HOMER2: variants seen among roughly 807,000 people sequenced by gnomAD.
HOMER2 encodes the protein homer scaffold protein 2, also known as homer protein homolog 2.
In HOMER2, 27 loss-of-function variants were observed where a neutral mutation model predicts 47.0. The ratio of observed to expected loss-of-function variants is 0.57; its 90% CI spans 0.42 to 0.79. The LOEUF is 0.79. Among genes scored for constraint, HOMER2 ranks in the 30% least tolerant of loss-of-function variants. The pLI is 0.00. For synonymous variants in HOMER2, 161 were observed against 163.8 expected (o/e 0.98, Z 0.13); for missense variants, 443 against 435.0 (o/e 1.02, Z -0.16).
chr15:82,978,085 G>A (rs1029319748), intron 1 of HOMER2, among the ~76,000 whole-genome samples: 6 of 152,228 alleles, frequency 3.9e-5, no homozygotes, highest in Admixed American at 1.3e-4. Flanking sequence ...GGGAGGCAGA[G>A]GTTATGGCGA....
chr15:82,879,731 C>T (rs1291990865), intron 2 of HOMER2, among the ~76,000 whole-genome samples: 1 of 152,116 alleles, frequency 6.6e-6, no homozygotes, highest in Non-Finnish European at 1.5e-5. Context: ...GTCATTGTGT[C>T]AATTTCTTAA....
intron 1 of HOMER2, among the ~76,000 whole-genome samples, chr15:82,922,592 T>G (rs2053756909): frequency 6.6e-6 from 1 of 152,164 alleles, no homozygotes; most frequent in African/African-American, 2.4e-5. Context: ...AAGTTAGCCC[T>G]TGTGAACCTC....
intron 1 of HOMER2, among the ~76,000 whole-genome samples, chr15:82,983,576 C>T (rs140422041): frequency 2.2e-4 from 33 of 152,034 alleles, no homozygotes; most frequent in African/African-American, 7.5e-4. Flanking sequence ...GGAGCCTTTC[C>T]TGATTTCTTT....
chr15:82,952,791 C>T, upstream of HOMER2: 2 of 827,452 alleles, frequency 2.4e-6, no homozygotes, highest in Non-Finnish European at 2.9e-6. Flanking sequence ...TACCCCCGCC[C>T]GGCTCCTTAC....
At chr15:82,907,866 G>C (rs1270909061) in intron 1 of HOMER2, among the ~76,000 whole-genome samples, 1 of 152,196 alleles carries the variant, frequency 6.6e-6, no homozygotes, top group Non-Finnish European at 1.5e-5. Context: ...ATCAACAGAT[G>C]AATGGATAAC....
At chr15:82,859,274 C>A in intron 4 of HOMER2, 139 bp from the exon 5 acceptor site, 2 of 1,192,512 alleles carry the variant, frequency 1.7e-6, no homozygotes, top group Non-Finnish European at 2.4e-6. Flanking sequence ...ACTCATCCAA[C>A]CAGAATGCAG....
intron 1 of HOMER2, among the ~76,000 whole-genome samples, chr15:82,984,921 C>T (rs1262057743): frequency 6.6e-6 from 1 of 152,168 alleles, no homozygotes; most frequent in Non-Finnish European, 1.5e-5. Context: ...GGGGGAAAGA[C>T]TTGCAAGTAA....
In HOMER2 at chr15:82,859,290, A is replaced by T. The variant is rs2051694877; in HGVS notation, c.388-155T>A. 3 of 1,000,366 alleles carry T rather than the reference A, an allele frequency of 3.0e-6. No homozygotes were observed. The African/African-American group carries it at 5.7e-5, about 19-fold the overall frequency. The allele number at this position is 1,000,366 out of a possible 1,614,324, so 62.0% of individuals were successfully genotyped here. A position where few individuals can be genotyped will look rare whatever the true frequency, so the allele number is the denominator to read the frequency against. On this transcript the variant is annotated intron_variant, in intron 4 of 8. Transcript: ENST00000450735. ...CTCATCCAACCAGAATGCAGCAAAGACTAACAAGTTTTTGTTTTTTTTTTA... is the reference window on the plus strand; with the variant it reads ...CTCATCCAACCAGAATGCAGCAAAGTCTAACAAGTTTTTGTTTTTTTTTTA...
intron 1 of HOMER2, among the ~76,000 whole-genome samples, chr15:82,908,847 C>T (rs1282585709): frequency 6.6e-6 from 1 of 151,824 alleles, no homozygotes; most frequent in African/African-American, 2.4e-5. Flanking sequence ...TTTAGTCATG[C>T]TGGGTGTGCC....
chr15:82,865,132 C>T (rs1596310522), intron 3 of HOMER2, among the ~76,000 whole-genome samples: 2 of 152,200 alleles, frequency 1.3e-5, no homozygotes, highest in Non-Finnish European at 2.9e-5. Flanking sequence ...CTAGGGTAAG[C>T]AGTAAAGGTC....
intron 2 of HOMER2, among the ~76,000 whole-genome samples, chr15:82,880,072 C>G (rs1567031099): frequency 6.6e-6 from 1 of 152,064 alleles, no homozygotes; most frequent in East Asian, 1.9e-4. Flanking sequence ...ACAGGTAAAA[C>G]TGAATAACAG....
At chr15:82,907,913 G>T (rs1267089106) in intron 1 of HOMER2, among the ~76,000 whole-genome samples, 5 of 152,116 alleles carry the variant, frequency 3.3e-5, no homozygotes, top group Non-Finnish European at 7.3e-5. Flanking sequence ...GTATTATTTG[G>T]CAATAAAAAA....
chr15:82,849,467 G>A lies in HOMER2; in HGVS notation c.*248C>T, dbSNP rs919014255. Reference sequence around the variant, plus strand: ...ACATCCCTGCCCTGACTGCATAAATGTTGAAGGTAGACCTAGTTCTGGATT... The same window carrying A: ...ACATCCCTGCCCTGACTGCATAAATATTGAAGGTAGACCTAGTTCTGGATT... On this transcript the variant is annotated 3_prime_UTR_variant, in exon 9 of 9. Transcript: ENST00000450735. 5.6e-6 allele frequency: 3 copies of A among 532,924 alleles called. No individual in the cohort carries two copies. Among genetic ancestry groups the A allele is most frequent in the South Asian group, 2.8e-5 (1 of 36,300 alleles). The allele number at this position is 532,924 out of a possible 1,614,324, so 33.0% of individuals were successfully genotyped here.
chr15:82,911,574 G>A (rs1214688429), intron 1 of HOMER2, among the ~76,000 whole-genome samples: 5 of 152,196 alleles, frequency 3.3e-5, no homozygotes, highest in African/African-American at 1.2e-4. Context: ...CAAAGGTGCA[G>A]ACATACCTCA....
At chr15:82,871,699 G>C (rs532634395) in intron 3 of HOMER2, among the ~76,000 whole-genome samples, 1 of 152,220 alleles carries the variant, frequency 6.6e-6, no homozygotes, top group South Asian at 2.1e-4. Flanking sequence ...TTGGCAGGAC[G>C]GTGCACTCCT....
chr15:82,929,610 C>G (rs1320038373), intron 1 of HOMER2, among the ~76,000 whole-genome samples: 1 of 138,946 alleles, frequency 7.2e-6, no homozygotes, highest in Non-Finnish European at 1.5e-5. Flanking sequence ...GAGCCGAGAT[C>G]GCGTCACTGC....
chr15:82,864,379 G>A (rs1019374649), intron 3 of HOMER2, 120 bp from the exon 4 acceptor site: 3 of 607,460 alleles, frequency 4.9e-6, no homozygotes, highest in Non-Finnish European at 5.6e-6. Context: ...AAATCCAGAA[G>A]AATTTTATTT....
chr15:82,980,636 T>C (rs566354081), intron 1 of HOMER2, among the ~76,000 whole-genome samples: 1 of 152,112 alleles, frequency 6.6e-6, no homozygotes, highest in East Asian at 1.9e-4. Context: ...CATAAAATAA[T>C]ACAGAACAAT....
exon 2 of HOMER2, chr15:82,840,790 T>C (rs951086958): frequency 1.6e-5 from 2 of 121,548 alleles, no homozygotes; most frequent in African/African-American, 6.5e-5. Flanking sequence ...TTGAAGAAAA[T>C]AATGAGCATG....
Sources: allele counts gnomAD v4.1 joint callset (sites outside exome capture counted in the v4.1 genomes callset), GRCh38; gene constraint gnomAD v4.1.1; transcripts MANE v1.5; gene names NCBI Gene and HGNC (gene_info 2026-07-23, HGNC 2026-07-21).